The following RORA variants were observed in gnomAD, a reference collection of about 807,000 sequenced individuals.
The protein encoded by RORA is RAR related orphan receptor A.
Under a neutral mutation model 69.5 loss-of-function variants are expected in RORA, and 7 were observed. The observed-to-expected ratio is 0.10, with a 90% CI of 0.06 to 0.19. The LOEUF (loss-of-function observed/expected upper bound fraction) is 0.19. RORA is among the 10% of genes least tolerant of loss of function. The pLI, the probability that RORA is intolerant of heterozygous loss-of-function variation, is 1.00. For missense variants in RORA, 457 were observed against 663.0 expected, an observed-to-expected ratio of 0.69 and a Z score of 3.41; for synonymous variants, 261 against 240.8, an observed-to-expected ratio of 1.08 and a Z score of -0.78.
chr15:61,164,537 T>C (rs2079524870), intron 1 of RORA, among the ~76,000 whole-genome samples: 1 of 152,190 alleles, frequency 6.6e-6, no homozygotes, highest in Non-Finnish European at 1.5e-5. Flanking sequence ...GGACAGCAGT[T>C]GTATGCTCTT....
At chr15:60,593,027 C>A (rs746745301) in intron 2 of RORA, 1 of 443,610 alleles carries the variant, frequency 2.3e-6, no homozygotes, top group Admixed American at 2.5e-5. Flanking sequence ...AGTGCCCCAG[C>A]TCTAATCGGA....
chr15:61,022,772 G>C (rs924131401), intron 1 of RORA, among the ~76,000 whole-genome samples: 2 of 152,168 alleles, frequency 1.3e-5, no homozygotes, highest in Admixed American at 6.5e-5. Context: ...TTGTGGTTTT[G>C]CTGTCTGGAG....
Position 60,534,906 on chromosome 15 carries a change from A to G in RORA, c.197-3055T>C, listed in dbSNP as rs2066631384. ...CATTTTAGTCAATTTCCAGAATTCAAATGAATCCATGAGAAAAAAATGCAG... is the reference window on the plus strand; with the variant it reads ...CATTTTAGTCAATTTCCAGAATTCAGATGAATCCATGAGAAAAAAATGCAG... On this transcript the variant is annotated intron_variant, in intron 2 of 10. Transcript: ENST00000335670. This position sits in a 1 kb window ranked among gnomAD's most constrained non-coding sequence, Gnocchi z 5.0. 6.6e-6 allele frequency among the ~76,000 whole-genome samples: 1 copy of G among 152,154 alleles called. No individual in the cohort carries two copies. The highest frequency in any genetic ancestry group is 6.5e-5 in the Admixed American group (1 of 15,274).
intron 2 of RORA, among the ~76,000 whole-genome samples, chr15:60,671,036 T>A (rs2070456817): frequency 6.9e-6 from 1 of 145,528 alleles, no homozygotes; most frequent in African/African-American, 2.7e-5. Context: ...ATCTAGATGT[T>A]AATTTTCTTA....
At chr15:60,751,742 C>T (rs1026537476) in intron 1 of RORA, among the ~76,000 whole-genome samples, 1 of 152,160 alleles carries the variant, frequency 6.6e-6, no homozygotes, top group African/African-American at 2.4e-5. Flanking sequence ...GTCGCTATCC[C>T]TTCTTATAGA....
chr15:60,817,113 T>C (rs969709079), intron 1 of RORA, among the ~76,000 whole-genome samples: 1 of 152,240 alleles, frequency 6.6e-6, no homozygotes. Flanking sequence ...CACAGACTTA[T>C]CATTTCTTTG....
intron 1 of RORA, among the ~76,000 whole-genome samples, chr15:61,090,342 C>A (rs1241057095): frequency 6.6e-6 from 1 of 152,100 alleles, no homozygotes; most frequent in Admixed American, 6.6e-5. Context: ...TGAAAATAAC[C>A]CAAATCAAGG....
chr15:60,588,161 G>T (rs2068389632), intron 2 of RORA, among the ~76,000 whole-genome samples: 1 of 152,120 alleles, frequency 6.6e-6, no homozygotes, highest in Non-Finnish European at 1.5e-5. Context: ...GTCACTGGTG[G>T]ATGGCTCCAA....
Position 60,739,569 on chromosome 15 carries a change from G to C in RORA, c.167-60883C>G, listed in dbSNP as rs192461931. Among the ~76,000 whole-genome samples the C allele has an allele frequency of 6.9e-5, 10 of 145,640 alleles. 1 individual carries two copies. The highest frequency in any genetic ancestry group is 2.3e-4 in the African/African-American group (9 of 39,940). Reference sequence around the variant, plus strand: ...CTGGGTAACACAGCAAGACCTTGTCGCAAAAAAAAAAAAGTTTTTTTTAAA... The same window carrying C: ...CTGGGTAACACAGCAAGACCTTGTCCCAAAAAAAAAAAAGTTTTTTTTAAA... On this transcript the variant is annotated intron_variant, in intron 1 of 10. Transcript: ENST00000335670.
chr15:60,580,612 G>A (rs559498213), intron 2 of RORA, among the ~76,000 whole-genome samples: 8 of 152,256 alleles, frequency 5.3e-5, no homozygotes, highest in South Asian at 4.1e-4. Context: ...CAATTATGGC[G>A]TTCATTTGCC....
At chr15:60,539,262 T>C (rs558723128) in intron 2 of RORA, among the ~76,000 whole-genome samples, 41 of 152,356 alleles carry the variant, frequency 2.7e-4, no homozygotes, top group African/African-American at 9.9e-4. Flanking sequence ...TCTGTGAATA[T>C]GCAGGTGGTT....
intron 1 of RORA, among the ~76,000 whole-genome samples, chr15:61,118,160 A>T (rs1272251083): frequency 6.6e-6 from 1 of 152,216 alleles, no homozygotes; most frequent in African/African-American, 2.4e-5. Context: ...TGGGAACATT[A>T]ATACAGATAT....
intron 1 of RORA, among the ~76,000 whole-genome samples, chr15:61,029,893 G>T (rs1311549761): frequency 1.3e-5 from 2 of 152,130 alleles, no homozygotes; most frequent in African/African-American, 4.8e-5. Context: ...CACTGGAGAG[G>T]CCTGGGCTTG....
intron 1 of RORA, among the ~76,000 whole-genome samples, chr15:61,023,207 A>AAAC (rs1189451894): frequency 6.6e-6 from 1 of 151,164 alleles, no homozygotes; most frequent in African/African-American, 2.4e-5. Flanking sequence ...AAAAAAAAAA[A>AAAC]AAAACTGACA....
intron 1 of RORA, among the ~76,000 whole-genome samples, chr15:61,057,426 T>A (rs1002240705): frequency 2.1e-4 from 32 of 152,218 alleles, no homozygotes; most frequent in African/African-American, 7.5e-4. Flanking sequence ...GGAATGATCA[T>A]GTTTAGAATT....
chr15:61,040,789 C>A (rs753661920), intron 1 of RORA, among the ~76,000 whole-genome samples: 2 of 152,152 alleles, frequency 1.3e-5, no homozygotes, highest in Admixed American at 1.3e-4. Flanking sequence ...TGAATGAATG[C>A]AGATACTTCA....
intron 2 of RORA, among the ~76,000 whole-genome samples, chr15:60,602,026 C>T (rs1450016946): frequency 2.0e-5 from 3 of 152,212 alleles, no homozygotes; most frequent in Admixed American, 6.5e-5. Context: ...GCCTTAAGTA[C>T]GTAATAGTCT....
intron 1 of RORA, among the ~76,000 whole-genome samples, chr15:61,092,369 T>G (rs1347895455): frequency 1.3e-5 from 2 of 152,242 alleles, no homozygotes; most frequent in Non-Finnish European, 2.9e-5. Flanking sequence ...TTGGTCCCAA[T>G]GAACGACATT....
At chr15:60,504,828 T>C (rs2065446973) in intron 6 of RORA, among the ~76,000 whole-genome samples, 1 of 152,172 alleles carries the variant, frequency 6.6e-6, no homozygotes, top group African/African-American at 2.4e-5. Flanking sequence ...TTCCCCAATC[T>C]TAGTTTCAGA....
Sources: allele counts gnomAD v4.1 joint callset (sites outside exome capture counted in the v4.1 genomes callset), GRCh38; gene constraint gnomAD v4.1.1; non-coding constraint Gnocchi (gnomAD v3.1); transcripts MANE v1.5; gene names NCBI Gene and HGNC (gene_info 2026-07-23, HGNC 2026-07-21).